Variants in BCAS4 observed in about 807,000 individuals in gnomAD.
BCAS4 encodes the protein breast carcinoma amplified sequence 4.
In BCAS4, 9 loss-of-function variants were observed where a neutral mutation model predicts 15.7. That is an observed-to-expected ratio of 0.57 (90% confidence interval 0.34 to 1.00). The LOEUF (loss-of-function observed/expected upper bound fraction) is 1.00. Ranked by LOEUF, BCAS4 falls within the 50% of genes least tolerant of loss-of-function variation. The pLI is 0.02. For missense variants in BCAS4, 225 were observed against 239.1 expected (o/e 0.94, Z 0.39); for synonymous variants, 101 against 99.5 (o/e 1.02, Z -0.09).
At chr20:50,863,248 CTTTT>C (rs1054175958) in intron 4 of BCAS4, among the ~76,000 whole-genome samples, 2 of 86,096 alleles carry the variant, frequency 2.3e-5, no homozygotes, top group Admixed American at 1.2e-4. Context: ...CTAACTGGTG[CTTTT>C]TTTTTTTTTT....
At chr20:50,829,606 T>C (rs987703121) in intron 2 of BCAS4, among the ~76,000 whole-genome samples, 11 of 151,994 alleles carry the variant, frequency 7.2e-5, no homozygotes, top group Admixed American at 2.0e-4. Context: ...TATGATAACA[T>C]GAAAATGGAA....
intron 3 of BCAS4, among the ~76,000 whole-genome samples, chr20:50,835,339 G>A (rs2088395025): frequency 6.7e-6 from 1 of 150,302 alleles, no homozygotes; most frequent in Admixed American, 6.6e-5. Flanking sequence ...CTGCCTCCCG[G>A]GTTCAAGTGA....
chr20:50,844,300 G>A (rs1190087821), intron 4 of BCAS4, among the ~76,000 whole-genome samples: 3 of 152,060 alleles, frequency 2.0e-5, no homozygotes, highest in Admixed American at 6.6e-5. Context: ...CAAGTGTGAT[G>A]GCATGCACCT....
At chr20:50,865,311 A>C (rs1979302738) in intron 4 of BCAS4, among the ~76,000 whole-genome samples, 1 of 151,948 alleles carries the variant, frequency 6.6e-6, no homozygotes, top group African/African-American at 2.4e-5. Context: ...CATGGACAGC[A>C]GAGTTTGTTG....
intron 4 of BCAS4, among the ~76,000 whole-genome samples, chr20:50,865,709 C>T (rs1979323098): frequency 6.6e-6 from 1 of 152,170 alleles, no homozygotes; most frequent in Admixed American, 6.5e-5. Context: ...CTGCTGTGGT[C>T]ACTGGGCCGG....
chr20:50,815,746 G>C (rs1018002751), intron 1 of BCAS4, among the ~76,000 whole-genome samples: 1 of 152,152 alleles, frequency 6.6e-6, no homozygotes, highest in Admixed American at 6.5e-5. Flanking sequence ...GGTGGAGATG[G>C]CTCATGCTGG....
At chr20:50,808,450 C>G (rs544903685) in intron 1 of BCAS4, among the ~76,000 whole-genome samples, 38 of 152,288 alleles carry the variant, frequency 2.5e-4, no homozygotes, top group African/African-American at 8.7e-4. Flanking sequence ...CCACTAACAG[C>G]CTAAAAGTGT....
intron 3 of BCAS4, among the ~76,000 whole-genome samples, chr20:50,837,844 G>A (rs980489486): frequency 5.3e-5 from 8 of 152,238 alleles, no homozygotes; most frequent in Non-Finnish European, 1.0e-4. Context: ...AATTGGAATC[G>A]GCTGGAGGAA....
At chr20:50,845,080 T>G (rs2088527526) in intron 4 of BCAS4, among the ~76,000 whole-genome samples, 1 of 152,148 alleles carries the variant, frequency 6.6e-6, no homozygotes, top group Non-Finnish European at 1.5e-5. Context: ...GGGCCGACTC[T>G]GTAGTCGCCT....
intron 1 of BCAS4, among the ~76,000 whole-genome samples, chr20:50,807,905 T>G (rs910588319): frequency 0.016 from 2,347 of 149,894 alleles, 71 homozygotes; most frequent in African/African-American, 0.055. Flanking sequence ...ACATATTCTT[T>G]TTTTTTTTTT....
intron 1 of BCAS4, among the ~76,000 whole-genome samples, chr20:50,817,947 T>C (rs1170765038): frequency 6.6e-6 from 1 of 152,024 alleles, no homozygotes; most frequent in Non-Finnish European, 1.5e-5. Flanking sequence ...GGTAGCTTTG[T>C]TATTTCCTGT....
chr20:50,808,356 T>C (rs2088020555), intron 1 of BCAS4, among the ~76,000 whole-genome samples: 2 of 152,242 alleles, frequency 1.3e-5, no homozygotes, highest in Non-Finnish European at 2.9e-5. Flanking sequence ...GGAGTGGGAT[T>C]GCTGGATCAA....
intron 2 of BCAS4, among the ~76,000 whole-genome samples, chr20:50,820,064 A>G (rs1600859128): frequency 6.6e-6 from 1 of 151,868 alleles, no homozygotes; most frequent in East Asian, 1.9e-4. Flanking sequence ...GCTGGTCTTG[A>G]ACTGCTGGCC....
chr20:50,837,779 T>G (rs1376244132), intron 3 of BCAS4, among the ~76,000 whole-genome samples: 3 of 152,206 alleles, frequency 2.0e-5, no homozygotes, highest in Non-Finnish European at 2.9e-5. Flanking sequence ...GAGTACACAT[T>G]CCTCAGCTTC....
chr20:50,834,354 G>A (rs1178998247), intron 3 of BCAS4, among the ~76,000 whole-genome samples: 1 of 141,882 alleles, frequency 7.0e-6, no homozygotes, highest in Non-Finnish European at 1.5e-5. Flanking sequence ...GGAGTGCAGT[G>A]GCGGAATCTT....
At chr20:50,855,678 A>G (rs1249573583) in intron 4 of BCAS4, among the ~76,000 whole-genome samples, 11 of 151,782 alleles carry the variant, frequency 7.2e-5, no homozygotes, top group African/African-American at 1.9e-4. Flanking sequence ...GTGGGCACCC[A>G]TTGCCCTTCT....
chr20:50,860,835 C>A (rs1197919203), intron 4 of BCAS4, among the ~76,000 whole-genome samples: 1 of 152,194 alleles, frequency 6.6e-6, no homozygotes, highest in South Asian at 2.1e-4. Context: ...GATCATGCCA[C>A]TGTCCTTGAG....
At chr20:50,840,661 G>A in intron 3 of BCAS4, 1 of 1,612,718 alleles carries the variant, frequency 6.2e-7, no homozygotes, top group Admixed American at 1.7e-5. Flanking sequence ...TTCTTTGGAA[G>A]GCAGTGGATT....
intron 2 of BCAS4, among the ~76,000 whole-genome samples, chr20:50,828,778 C>A (rs751991692): frequency 2.6e-5 from 4 of 152,038 alleles, no homozygotes; most frequent in Non-Finnish European, 5.9e-5. Flanking sequence ...GATTCAGTCT[C>A]AAAAAACAAA....
Sources: gnomAD v4.1 joint callset for allele counts (sites outside exome capture counted in the v4.1 genomes callset) on GRCh38, gnomAD v4.1.1 for gene constraint, MANE v1.5 for transcripts, NCBI Gene and HGNC (gene_info 2026-07-23, HGNC 2026-07-21) for gene names.